Variants in ME1 observed in about 807,000 individuals in gnomAD.
ME1 encodes malic enzyme 1.
Under a neutral mutation model 66.4 loss-of-function variants are expected in ME1, and 74 were observed. That is an observed-to-expected ratio of 1.11 (90% CI 0.92 to 1.35). The LOEUF (loss-of-function observed/expected upper bound fraction) is 1.35, where lower values mean the gene tolerates loss of function less well. Ranked by LOEUF, ME1 falls within the 40% of genes most tolerant of loss-of-function variation. The pLI is 0.00. For synonymous variants in ME1, 251 were observed against 235.6 expected (o/e 1.07, Z -0.60); for missense variants, 750 against 694.1 (o/e 1.08, Z -0.90).
chr6:83,220,158 G>A (rs748025666), intron 12 of ME1, among the ~76,000 whole-genome samples: 1 of 152,140 alleles, frequency 6.6e-6, no homozygotes, highest in East Asian at 1.9e-4. Flanking sequence ...AAAGAGATTG[G>A]AGACAGTCAC....
At chr6:83,298,083 T>A (rs28866532) in intron 6 of ME1, among the ~76,000 whole-genome samples, 1 of 152,204 alleles carries the variant, frequency 6.6e-6, no homozygotes, top group Non-Finnish European at 1.5e-5. Context: ...AACCCAGTAA[T>A]GGGATTGTTG....
intron 5 of ME1, among the ~76,000 whole-genome samples, chr6:83,339,849 T>A (rs1182332427): frequency 4.3e-5 from 5 of 115,608 alleles, no homozygotes; most frequent in Admixed American, 3.7e-4. Flanking sequence ...AGGGATAGCA[T>A]TGGGAGATAT....
intron 12 of ME1, 149 bp downstream of exon 12, chr6:83,223,611 C>A: frequency 1.6e-6 from 1 of 643,288 alleles, no homozygotes; most frequent in Non-Finnish European, 2.6e-6. Flanking sequence ...AACATGCTAC[C>A]CACCCCTTAT....
At chr6:83,275,125 G>A (rs1393124864) in intron 6 of ME1, among the ~76,000 whole-genome samples, 2 of 152,100 alleles carry the variant, frequency 1.3e-5, no homozygotes, top group African/African-American at 2.4e-5. Context: ...CAGGAGGTAA[G>A]GAGTTCAAGA....
chr6:83,408,317 C>A (rs915393294), intron 1 of ME1, among the ~76,000 whole-genome samples: 1 of 152,122 alleles, frequency 6.6e-6, no homozygotes, highest in Admixed American at 6.5e-5. Context: ...TAAAATAGGT[C>A]AGGAAATGCC....
chr6:83,329,544 G>C (rs894945211), intron 5 of ME1, among the ~76,000 whole-genome samples: 3 of 152,142 alleles, frequency 2.0e-5, no homozygotes, highest in South Asian at 2.1e-4. Flanking sequence ...CCTATATCAT[G>C]AAATATACAT....
At chr6:83,354,179 G>A (rs977334406) in intron 3 of ME1, among the ~76,000 whole-genome samples, 18 of 152,074 alleles carry the variant, frequency 1.2e-4, no homozygotes, top group Non-Finnish European at 2.6e-4. Flanking sequence ...CAGGTTGGAG[G>A]GCATTGGCAT....
At chr6:83,356,792 G>A (rs1223663558) in intron 3 of ME1, among the ~76,000 whole-genome samples, 7 of 151,888 alleles carry the variant, frequency 4.6e-5, no homozygotes, top group Admixed American at 1.3e-4. Flanking sequence ...ACATGATGCC[G>A]CATCACTACC....
chr6:83,251,240 A>G (rs1583340758), intron 7 of ME1, among the ~76,000 whole-genome samples: 1 of 152,246 alleles, frequency 6.6e-6, no homozygotes, highest in East Asian at 1.9e-4. Flanking sequence ...TATGCCTGTA[A>G]TCCCACCACT....
Position 83,431,007 on chromosome 6 carries a change from G to T in ME1, c.-53C>A. The T allele has an allele frequency of 8.2e-7, 1 of 1,226,902 alleles. No individual in the cohort carries two copies. The highest frequency in any genetic ancestry group is 1.1e-6 in the Non-Finnish European group (1 of 919,404). The allele number at this position is 1,226,902 out of a possible 1,614,324, so 76.0% of individuals were successfully genotyped here. ...CAGGCCGGGGCGGGCCGCACGCGCG[G>T]TGCAGGCGGCGGATGCTGCTGGGGT... On this transcript the variant is annotated 5_prime_UTR_variant, in exon 1 of 14. Coordinates refer to ENST00000369705, the MANE Select transcript of ME1 (RefSeq NM_002395.6).
At chr6:83,423,605 A>G (rs1583429260) in intron 1 of ME1, among the ~76,000 whole-genome samples, 1 of 152,058 alleles carries the variant, frequency 6.6e-6, no homozygotes, top group East Asian at 1.9e-4. Context: ...TTGACACTAG[A>G]TGGGGTAACA....
intron 6 of ME1, among the ~76,000 whole-genome samples, chr6:83,302,572 A>C (rs1181167547): frequency 1.3e-5 from 2 of 152,232 alleles, no homozygotes; most frequent in African/African-American, 2.4e-5. Context: ...AAATAAATAC[A>C]TATAATTACA....
intron 3 of ME1, among the ~76,000 whole-genome samples, chr6:83,385,067 A>G (rs1293849295): frequency 6.6e-6 from 1 of 151,930 alleles, no homozygotes; most frequent in Non-Finnish European, 1.5e-5. Context: ...TTTCCTTTTA[A>G]GCTAAACATT....
At chr6:83,312,760 T>A (rs991836675) in intron 6 of ME1, among the ~76,000 whole-genome samples, 2 of 152,086 alleles carry the variant, frequency 1.3e-5, no homozygotes, top group African/African-American at 4.8e-5. Flanking sequence ...TCCTTTTTTT[T>A]TAATTTTTTT....
chr6:83,253,547 T>C (rs1349604977), intron 7 of ME1, 82 bp downstream of exon 7: 18 of 736,300 alleles, frequency 2.4e-5, no homozygotes, highest in South Asian at 8.2e-5. Flanking sequence ...TCAGTATATA[T>C]TGATTGAATT....
At chr6:83,430,152 ATTT>A in intron 1 of ME1, among the ~76,000 whole-genome samples, 1 of 151,740 alleles carries the variant, frequency 6.6e-6, no homozygotes, top group East Asian at 1.9e-4. Flanking sequence ...TCTAAACAAA[ATTT>A]TTTTTTAACT....
chr6:83,229,286 C>A, intron 9 of ME1: 1 of 357,170 alleles, frequency 2.8e-6, no homozygotes, highest in Non-Finnish European at 5.3e-6. Flanking sequence ...TGTTTTATAG[C>A]AGGTCTCAGA....
chr6:83,310,017 C>A (rs1352109731), intron 6 of ME1, among the ~76,000 whole-genome samples: 1 of 152,126 alleles, frequency 6.6e-6, no homozygotes. Flanking sequence ...ATTTGTTGAA[C>A]AGGCCAGTAC....
intron 7 of ME1, among the ~76,000 whole-genome samples, chr6:83,243,743 T>C (rs143630065): frequency 0.072 from 9,222 of 128,562 alleles, 618 homozygotes; most frequent in African/African-American, 0.14. Flanking sequence ...TATATAATTA[T>C]ATTATATTAT....
Sources: gnomAD v4.1 joint callset for allele counts (sites outside exome capture counted in the v4.1 genomes callset) on GRCh38, gnomAD v4.1.1 for gene constraint, MANE v1.5 for transcripts, NCBI Gene and HGNC (gene_info 2026-07-23, HGNC 2026-07-21) for gene names.